The following OTOG variants were observed in gnomAD, a reference collection of about 807,000 sequenced individuals.
The protein encoded by OTOG is otogelin.
OTOG carries 296 observed loss-of-function variants against 313.8 expected under a neutral mutation model. The observed-to-expected ratio is 0.94, with a 90% CI of 0.86 to 1.04. The LOEUF is 1.04. Among genes scored for constraint, OTOG ranks in the 50% least tolerant of loss-of-function variants. The pLI, the probability that OTOG is intolerant of heterozygous loss-of-function variation, is 0.00. For synonymous variants in OTOG, 1,533 were observed against 1,554.9 expected (o/e 0.99, Z 0.33); for missense variants, 3,948 against 3,840.1 (o/e 1.03, Z -0.74).
intron 4 of OTOG, among the ~76,000 whole-genome samples, chr11:17,552,798 C>T (rs1173319678): frequency 1.3e-5 from 2 of 152,260 alleles, no homozygotes; most frequent in Non-Finnish European, 2.9e-5. Context: ...CCTGCTCACC[C>T]CACATGCTCC....
At chr11:17,621,817 T>C (rs1042026304) in intron 39 of OTOG, among the ~76,000 whole-genome samples, 4 of 152,248 alleles carry the variant, frequency 2.6e-5, no homozygotes, top group Admixed American at 2.0e-4. Flanking sequence ...CTCTCCTGCA[T>C]TGCCAACTGT....
intron 30 of OTOG, 130 bp downstream of exon 30, chr11:17,597,137 C>G: frequency 1.7e-6 from 2 of 1,206,066 alleles, no homozygotes; most frequent in African/African-American, 3.1e-5. Context: ...CTGCTTTGGG[C>G]GTGTTATTCA....
chr11:17,612,878 C>G (rs1011751056), intron 38 of OTOG, 113 bp downstream of exon 38: 36 of 1,266,958 alleles, frequency 2.8e-5, no homozygotes, highest in Non-Finnish European at 1.9e-5. Flanking sequence ...TGGAAGCCCC[C>G]CTGAGCTCCC....
chr11:17,632,252 T>C, intron 42 of OTOG, 26 bp downstream of exon 42: 1 of 1,541,176 alleles, frequency 6.5e-7, no homozygotes, highest in South Asian at 1.2e-5. Flanking sequence ...AGGGGGACCC[T>C]CCATTGTGAC....
In OTOG at chr11:17,602,250, C is replaced by A. The variant is rs1565112385; in HGVS notation, c.3750C>A (p.Ala1250=). 6.4e-7 allele frequency: 1 copy of A among 1,550,528 alleles called. No homozygotes were observed. Among genetic ancestry groups the A allele is most frequent in the Non-Finnish European group, 8.7e-7 (1 of 1,146,956 alleles). ...CCTATCAGCTATCCAGCTTGGCAGC[C>A]GGTGGTGCTCTGGTGGGCATGAAGG... The part of the protein sequence containing the change: ...KGPYQLSSLA[A]GGALVGMKAV... Residue 1250 remains alanine (A), a synonymous_variant, in exon 32 of 56, where the codon GCC becomes GCA. Coordinates refer to ENST00000399397, the MANE Select transcript of OTOG (RefSeq NM_001292063.2).
intron 23 of OTOG, among the ~76,000 whole-genome samples, chr11:17,582,458 A>T (rs1476700986): frequency 1.3e-5 from 2 of 152,210 alleles, no homozygotes; most frequent in Non-Finnish European, 2.9e-5. Context: ...TATTTTGACT[A>T]AGGTTGCTAT....
Position 17,611,328 on chromosome 11 carries a change from C to A in OTOG, c.6028C>A (p.Pro2010Thr), listed in dbSNP as rs1479241766. Reference protein sequence around the residue: ...AEPVDEATTEPSGRSAPALSI... With the variant: ...AEPVDEATTETSGRSAPALSI... ...GCCGGTGGACGAGGCCACCACAGAACCATCTGGGCGCTCAGCCCCAGCCCT... is the reference window on the plus strand; with the variant it reads ...GCCGGTGGACGAGGCCACCACAGAAACATCTGGGCGCTCAGCCCCAGCCCT... Residue 2010 changes from proline to threonine, a missense_variant, in exon 36 of 56, where the codon CCA (proline) becomes ACA (threonine). Physicochemically the swap from Pro to Thr is conservative, Grantham distance 38. Transcript: ENST00000399397. The A allele has an allele frequency of 3.6e-5, 56 of 1,550,430 alleles. No homozygotes were observed. The highest frequency in any genetic ancestry group is 4.7e-5 in the Non-Finnish European group (54 of 1,146,940).
At chr11:17,578,202 A>G (rs1429694059) in intron 22 of OTOG, 171 bp from the exon 23 acceptor site, 2 of 1,376,246 alleles carry the variant, frequency 1.5e-6, no homozygotes, top group Admixed American at 6.6e-5. Context: ...GCACACATCT[A>G]CCCCTCCCTC....
In OTOG at chr11:17,620,595, G is replaced by A. The variant is rs145145593; in HGVS notation, c.6528+6894G>A. On this transcript the variant is annotated intron_variant, in intron 39 of 55. Coordinates refer to ENST00000399397, the MANE Select transcript of OTOG (RefSeq NM_001292063.2). ...GCTTATTTCTGGTAAGAAATCTGCT[G>A]TCATTCTTTGTTCCTTCATACATAA... Among the ~76,000 whole-genome samples, 49 of 152,232 alleles carry A rather than the reference G, an allele frequency of 3.2e-4. No individual in the cohort carries two copies. The East Asian group carries it at 6.7e-3, about 21-fold the overall frequency.
intron 18 of OTOG, among the ~76,000 whole-genome samples, chr11:17,572,571 A>G (rs907972574): frequency 6.6e-6 from 1 of 151,720 alleles, no homozygotes; most frequent in African/African-American, 2.4e-5. Context: ...TGTTCTTTCT[A>G]CACAGTCAGG....
rs570099734 is a variant in OTOG, at chr11:17,593,883, C to T, written c.3288+127C>T. The T allele has an allele frequency of 7.9e-6, 11 of 1,394,490 alleles. No homozygotes were observed. The East Asian group carries it at 2.0e-4, about 25-fold the overall frequency. 86.4% of individuals were successfully genotyped at this position (1,394,490 alleles called of 1,614,324 possible). On this transcript the variant is annotated intron_variant, in intron 27 of 55. Transcript: ENST00000399397. ...TGCCTCTGTTCTCTCCTCCGCCCTG[C>T]TCTGGGCCCCTTCTCCTCTGACATT...
At chr11:17,625,154 C>A (rs1435447248) in intron 39 of OTOG, among the ~76,000 whole-genome samples, 1 of 152,154 alleles carries the variant, frequency 6.6e-6, no homozygotes, top group Non-Finnish European at 1.5e-5. Context: ...TTATTTCTTT[C>A]TCTTGCCTGA....
intron 42 of OTOG, among the ~76,000 whole-genome samples, chr11:17,632,506 T>C (rs1388006876): frequency 6.6e-6 from 1 of 152,202 alleles, no homozygotes; most frequent in East Asian, 1.9e-4. Flanking sequence ...GTATTTGCTT[T>C]CTTTGCGTCT....
intron 26 of OTOG, 110 bp downstream of exon 26, chr11:17,593,437 G>T (rs988310672): frequency 2.1e-6 from 3 of 1,442,898 alleles, no homozygotes; most frequent in Non-Finnish European, 1.9e-6. Flanking sequence ...CTCTTGGAGA[G>T]CCACTGAGTT....
intron 34 of OTOG, 22 bp from the exon 35 acceptor site, chr11:17,609,108 C>G: frequency 6.5e-7 from 1 of 1,543,854 alleles, no homozygotes; most frequent in Non-Finnish European, 8.8e-7. Context: ...GGCCTTTAAA[C>G]TGCTCCCTGC....
rs1383704825 is a variant in OTOG, at chr11:17,609,204, A to G, written c.4349A>G (p.Glu1450Gly). Residue 1450 changes from glutamate to glycine, a missense_variant, in exon 35 of 56, where the codon GAG becomes GGG. Physicochemically the swap from Glu to Gly is moderately conservative, Grantham distance 98. Coordinates refer to ENST00000399397, the MANE Select transcript of OTOG (RefSeq NM_001292063.2). ...GTCACACAGAGATGTGTCTACTTGGAGGACTGTAAGTGGCCCAGACTTCTC... is the reference window on the plus strand; with the variant it reads ...GTCACACAGAGATGTGTCTACTTGGGGGACTGTAAGTGGCCCAGACTTCTC... The part of the protein sequence containing the change: ...DEVTQRCVYL[E>G]DCVEPAVWVP... 6 of 1,550,200 alleles carry G rather than the reference A, an allele frequency of 3.9e-6. No homozygotes were observed. The highest frequency in any genetic ancestry group is 1.4e-5 in the African/African-American group (1 of 72,998).
intron 30 of OTOG, among the ~76,000 whole-genome samples, chr11:17,599,233 G>C (rs1853185586): frequency 6.6e-6 from 1 of 152,012 alleles, no homozygotes; most frequent in Admixed American, 6.6e-5. Flanking sequence ...GGATGCTGGG[G>C]GCTCCCGGTC....
intron 34 of OTOG, 105 bp from the exon 35 acceptor site, chr11:17,609,025 G>A (rs544898195): frequency 8.7e-5 from 74 of 848,768 alleles, no homozygotes; most frequent in African/African-American, 7.0e-4. Context: ...ATGTGTGCAC[G>A]CACATGTGTC....
intron 44 of OTOG, among the ~76,000 whole-genome samples, chr11:17,634,612 T>C (rs1264808837): frequency 6.6e-6 from 1 of 152,148 alleles, no homozygotes; most frequent in East Asian, 1.9e-4. Context: ...TCTTTGGGGT[T>C]GCTGTGAGAT....
Sources: gnomAD v4.1 joint callset for allele counts (sites outside exome capture counted in the v4.1 genomes callset) on GRCh38, gnomAD v4.1.1 for gene constraint, MANE v1.5 for transcripts, NCBI Gene and HGNC (gene_info 2026-07-23, HGNC 2026-07-21) for gene names.